The following CDK17 variants were observed in gnomAD, a reference collection of about 807,000 sequenced individuals.
CDK17 encodes the protein cyclin dependent kinase 17, also known as cyclin-dependent kinase 17.
Under a neutral mutation model 77.6 loss-of-function variants are expected in CDK17, and 24 were observed. The ratio of observed to expected loss-of-function variants is 0.31; its 90% CI spans 0.22 to 0.44. The LOEUF is 0.44. Among genes scored for constraint, CDK17 ranks in the 20% least tolerant of loss-of-function variants. CDK17 has a pLI of 1.00. For synonymous variants in CDK17, 203 were observed against 210.4 expected (o/e 0.96, Z 0.30); for missense variants, 429 against 622.5 (o/e 0.69, Z 3.31).
At chr12:96,292,871 T>A (rs1184083401) in intron 10 of CDK17, among the ~76,000 whole-genome samples, 1 of 152,048 alleles carries the variant, frequency 6.6e-6, no homozygotes, top group African/African-American at 2.4e-5. Context: ...ATAGCTACAA[T>A]TAAATTACTG....
At chr12:96,375,634 T>A (rs1953767603) in intron 1 of CDK17, among the ~76,000 whole-genome samples, 1 of 149,386 alleles carries the variant, frequency 6.7e-6, no homozygotes, top group South Asian at 2.2e-4. Context: ...AACCTCCGCA[T>A]CCTGGGTTCA....
At chr12:96,349,526 T>C (rs184491641) in intron 1 of CDK17, among the ~76,000 whole-genome samples, 254 of 130,254 alleles carry the variant, frequency 2.0e-3, no homozygotes, top group African/African-American at 7.5e-3. Context: ...AACTTCTCAA[T>C]TGATTTAGCA....
chr12:96,323,983 G>A lies in CDK17; in HGVS notation c.248C>T (p.Ser83Phe), dbSNP rs376992444. 1 of 1,602,668 alleles carries A rather than the reference G, an allele frequency of 6.2e-7. No individual in the cohort carries two copies. The highest frequency in any genetic ancestry group is 8.5e-7 in the Non-Finnish European group (1 of 1,174,960). The change falls in exon 3 of 17, where the codon TCC becomes TTC. Residue 83 changes from serine (S) to phenylalanine (F), a missense_variant. Physicochemically the swap from Ser to Phe is radical, Grantham distance 155. Coordinates refer to ENST00000261211, the MANE Select transcript of CDK17 (RefSeq NM_002595.5). ...PHSVIGGSLG[S>F]FMAMPRNGSR... ...TCCATTTCTGGGCATTGCCATGAAG[G>A]AGCCAAGGCTCCCTCCAATAACACT...
intron 3 of CDK17, among the ~76,000 whole-genome samples, chr12:96,319,649 G>A (rs1341954858): frequency 2.8e-5 from 4 of 142,288 alleles, no homozygotes; most frequent in South Asian, 2.3e-4. Flanking sequence ...TTCAATATAC[G>A]CAAATCAACA....
intron 7 of CDK17, 42 bp from the exon 8 acceptor site, chr12:96,297,763 T>C: frequency 9.1e-7 from 1 of 1,104,752 alleles, no homozygotes; most frequent in Non-Finnish European, 1.4e-6. Context: ...TGTGGCAGTC[T>C]TTATAAAAAC....
intron 1 of CDK17, among the ~76,000 whole-genome samples, chr12:96,338,371 C>T (rs1953075188): frequency 6.6e-6 from 1 of 152,180 alleles, no homozygotes; most frequent in African/African-American, 2.4e-5. Context: ...ATGAGTTTAA[C>T]AGCTTTTCTC....
intron 10 of CDK17, among the ~76,000 whole-genome samples, chr12:96,292,536 C>T (rs1952339363): frequency 6.6e-6 from 1 of 152,018 alleles, no homozygotes; most frequent in African/African-American, 2.4e-5. Context: ...ACCCAGAAGG[C>T]GAAGGTTGTA....
rs143746874 is a variant in CDK17, at chr12:96,325,260, C to T, written c.119-1148G>A. Among the ~76,000 whole-genome samples, 595 of 152,296 alleles carry T rather than the reference C, an allele frequency of 3.9e-3. 3 individuals carry two copies. The highest frequency in any genetic ancestry group is 0.013 in the African/African-American group (554 of 41,552). ...AATGAAGCCAACTATTCTTCTGTAG[C>T]TAACAATCAGGCATAAGGATACCTC... is the stretch of plus-strand genomic sequence containing the variant. On this transcript the variant is annotated intron_variant, in intron 2 of 16. Coordinates refer to ENST00000261211, the MANE Select transcript of CDK17 (RefSeq NM_002595.5).
intron 1 of CDK17, among the ~76,000 whole-genome samples, chr12:96,353,412 G>A (rs1371861180): frequency 6.6e-6 from 1 of 152,042 alleles, no homozygotes; most frequent in Non-Finnish European, 1.5e-5. Flanking sequence ...AGACAGACAT[G>A]GTGAGATTTA....
chr12:96,305,479 T>C (rs754132973), intron 5 of CDK17, among the ~76,000 whole-genome samples: 12 of 151,280 alleles, frequency 7.9e-5, no homozygotes, highest in Non-Finnish European at 1.8e-4. Flanking sequence ...TCTGTAAATC[T>C]AAAACTAAAA....
At chr12:96,342,560 T>TCAAACAAA (rs747936512) in intron 1 of CDK17, among the ~76,000 whole-genome samples, 199 of 151,950 alleles carry the variant, frequency 1.3e-3, no homozygotes, top group African/African-American at 4.7e-3. Flanking sequence ...AGATGCCATG[T>TCAAACAAA]CAAACAAACA....
At chr12:96,396,629 T>C (rs1251420224) in intron 1 of CDK17, among the ~76,000 whole-genome samples, 4 of 152,190 alleles carry the variant, frequency 2.6e-5, no homozygotes, top group African/African-American at 9.6e-5. Context: ...CCATTCAAAA[T>C]TCAAAAGAAC....
At chr12:96,291,482 G>T (rs567517862) in intron 10 of CDK17, among the ~76,000 whole-genome samples, 22 of 152,006 alleles carry the variant, frequency 1.4e-4, no homozygotes, top group Non-Finnish European at 2.4e-4. Context: ...TATAGAGGCA[G>T]GTTTTTGCCA....
At chr12:96,289,886 C>T (rs1952299476) in intron 10 of CDK17, among the ~76,000 whole-genome samples, 1 of 152,162 alleles carries the variant, frequency 6.6e-6, no homozygotes, top group Admixed American at 6.6e-5. Context: ...TGGAGTAAGA[C>T]AGACTTCATT....
chr12:96,332,993 T>A (rs1204216965), intron 2 of CDK17, among the ~76,000 whole-genome samples: 1 of 152,174 alleles, frequency 6.6e-6, no homozygotes, highest in East Asian at 1.9e-4. Flanking sequence ...AAAAGAGGAT[T>A]GTCTTGTAGT....
intron 3 of CDK17, among the ~76,000 whole-genome samples, chr12:96,314,155 G>A (rs1328873068): frequency 2.0e-5 from 3 of 152,116 alleles, no homozygotes; most frequent in Non-Finnish European, 4.4e-5. Flanking sequence ...AATGGAAGTA[G>A]GGGGAGGAAG....
At chr12:96,368,723 C>G (rs1953632428) in intron 1 of CDK17, among the ~76,000 whole-genome samples, 1 of 147,950 alleles carries the variant, frequency 6.8e-6, no homozygotes, top group Non-Finnish European at 1.5e-5. Flanking sequence ...TGATATGAAA[C>G]CATAATACTG....
chr12:96,333,768 T>G (rs377021778), intron 2 of CDK17, among the ~76,000 whole-genome samples: 1 of 151,756 alleles, frequency 6.6e-6, no homozygotes, highest in Non-Finnish European at 1.5e-5. Context: ...GACTCTGAAG[T>G]GAAGAAACCT....
chr12:96,392,614 A>G (rs1447452745), intron 1 of CDK17, among the ~76,000 whole-genome samples: 2 of 152,232 alleles, frequency 1.3e-5, no homozygotes, highest in Non-Finnish European at 2.9e-5. Flanking sequence ...AGAAGCTGCC[A>G]AAGTTTTTGG....
Sources: allele counts gnomAD v4.1 joint callset (sites outside exome capture counted in the v4.1 genomes callset), GRCh38; gene constraint gnomAD v4.1.1; transcripts MANE v1.5; gene names NCBI Gene and HGNC (gene_info 2026-07-23, HGNC 2026-07-21).